The following CELF4 variants were observed in gnomAD, a reference collection of about 807,000 sequenced individuals.
CELF4 encodes CUG-BP- and ETR-3-like factor 4.
Under a neutral mutation model 59.9 loss-of-function variants are expected in CELF4, and 18 were observed. That is an observed-to-expected ratio of 0.30 (90% CI 0.21 to 0.45). CELF4 has a LOEUF of 0.45. Among genes scored for constraint, CELF4 ranks in the 20% least tolerant of loss-of-function variants. The probability of loss-of-function intolerance (pLI) is 1.00; values close to 1 mark genes in which losing one functional copy is unlikely to be tolerated. For missense variants in CELF4, 456 were observed against 689.0 expected (o/e 0.66, Z 3.79); for synonymous variants, 261 against 267.1 (o/e 0.98, Z 0.22).
chr18:37,246,595 G>GT lies in CELF4; in HGVS notation c.*45-1399dup, dbSNP rs1315413079. Among the ~76,000 whole-genome samples the GT allele has an allele frequency of 2.7e-5, 4 of 150,492 alleles. No homozygotes were observed. Among genetic ancestry groups the GT allele is most frequent in the South Asian group, 2.1e-4 (1 of 4,744 alleles). On this transcript the variant is annotated intron_variant, in intron 12 of 12. Transcript: ENST00000420428. The surrounding 1 kb of genome is among the most constrained non-coding windows in gnomAD (Gnocchi z 5.3). ...ATTTTGTTTTTGTTTTTTTGTTTTT[G>GT]TTTTTTTTCCCTTTGAAGTGAGATT...
At chr18:37,340,293 G>A (rs1166939584) in intron 2 of CELF4, among the ~76,000 whole-genome samples, 3 of 152,250 alleles carry the variant, frequency 2.0e-5, no homozygotes, top group Non-Finnish European at 4.4e-5. Context: ...TCAGCCTTGT[G>A]CCTTTGCCAG....
In CELF4 at chr18:37,470,900, G is replaced by C. The variant is rs1422948463; in HGVS notation, c.369+14625C>G. 2.8e-3 allele frequency among the ~76,000 whole-genome samples: 413 copies of C among 149,772 alleles called. 1 individual carries two copies. The highest frequency in any genetic ancestry group is 9.8e-3 in the African/African-American group (393 of 40,124). On this transcript the variant is annotated intron_variant, in intron 2 of 12. Coordinates refer to ENST00000420428, the MANE Select transcript of CELF4 (RefSeq NM_020180.4). ...TGTGTGTGTGTGTGACAGAGAGAGA[G>C]AGAGAGAGAGAGAGAGAGAGGTGGA...
At chr18:37,302,681 G>A (rs765017714) in intron 3 of CELF4, among the ~76,000 whole-genome samples, 1 of 152,172 alleles carries the variant, frequency 6.6e-6, no homozygotes, top group Non-Finnish European at 1.5e-5. Context: ...AGAGTTTCCT[G>A]GGTGCTGCAG....
intron 11 of CELF4, among the ~76,000 whole-genome samples, chr18:37,257,912 G>A (rs1056551126): frequency 3.3e-5 from 5 of 152,182 alleles, no homozygotes; most frequent in African/African-American, 9.7e-5. Context: ...AGGAGTGGAG[G>A]AGAAAGGGTG....
chr18:37,321,681 C>T, intron 3 of CELF4, 122 bp downstream of exon 3: 1 of 685,708 alleles, frequency 1.5e-6, no homozygotes, highest in Non-Finnish European at 2.5e-6. Context: ...AACCCTCAGC[C>T]ACGAGATCCC....
intron 2 of CELF4, among the ~76,000 whole-genome samples, 188 bp downstream of exon 2, chr18:37,485,337 G>A (rs2099878723): frequency 6.6e-6 from 1 of 151,728 alleles, no homozygotes; most frequent in African/African-American, 2.4e-5. Context: ...TGGGGCCCCT[G>A]TCCCGGATCC....
At chr18:37,398,002 T>C (rs1192868610) in intron 2 of CELF4, among the ~76,000 whole-genome samples, 1 of 152,014 alleles carries the variant, frequency 6.6e-6, no homozygotes, top group African/African-American at 2.4e-5. Context: ...CTCCCTCTGG[T>C]CTCTCCCCAC....
intron 1 of CELF4, among the ~76,000 whole-genome samples, chr18:37,502,736 C>A (rs1416346231): frequency 6.6e-6 from 1 of 152,190 alleles, no homozygotes; most frequent in African/African-American, 2.4e-5. Flanking sequence ...CCTGTCTCAC[C>A]TCACTAAGGA....
chr18:37,378,887 C>T (rs2099003303), intron 2 of CELF4, among the ~76,000 whole-genome samples: 1 of 152,158 alleles, frequency 6.6e-6, no homozygotes, highest in Non-Finnish European at 1.5e-5. Context: ...TGGGCTCCAG[C>T]CAGCCAGCAT....
intron 3 of CELF4, among the ~76,000 whole-genome samples, chr18:37,297,239 C>T (rs1411919067): frequency 6.6e-6 from 1 of 152,158 alleles, no homozygotes; most frequent in East Asian, 1.9e-4. Context: ...TAGCAGGTGG[C>T]GAGGGCACCG....
chr18:37,532,534 G>A (rs1356263272), intron 1 of CELF4, among the ~76,000 whole-genome samples: 1 of 152,092 alleles, frequency 6.6e-6, no homozygotes, highest in Non-Finnish European at 1.5e-5. Context: ...CTCTTTGAGG[G>A]AAACAGGAAA....
intron 2 of CELF4, among the ~76,000 whole-genome samples, chr18:37,392,096 C>T (rs185278009): frequency 5.1e-4 from 78 of 152,324 alleles, no homozygotes; most frequent in African/African-American, 1.9e-3. Flanking sequence ...ACTTCTGTGA[C>T]GATGACTCAG....
chr18:37,540,553 G>C (rs1049584749), intron 1 of CELF4, among the ~76,000 whole-genome samples: 4 of 152,180 alleles, frequency 2.6e-5, no homozygotes, highest in African/African-American at 9.7e-5. Context: ...GACACAGATC[G>C]TGGGGCAAGC....
At chr18:37,368,662 T>C (rs1048919863) in intron 2 of CELF4, among the ~76,000 whole-genome samples, 1 of 152,258 alleles carries the variant, frequency 6.6e-6, no homozygotes, top group Non-Finnish European at 1.5e-5. Context: ...TCATTTTTCC[T>C]GCCTGACCCC....
Position 37,475,046 on chromosome 18 carries a change from G to A in CELF4, c.369+10479C>T, listed in dbSNP as rs2099844863. On this transcript the variant is annotated intron_variant, in intron 2 of 12. Transcript: ENST00000420428. ...CCCTTGGGTGGGATGACTCCAAGGA[G>A]TATGATTGACATTGGCTCTAGAGTC... Among the ~76,000 whole-genome samples, 4 of 152,354 alleles carry A rather than the reference G, an allele frequency of 2.6e-5. No individual in the cohort carries two copies. In the South Asian group the frequency reaches 8.3e-4, roughly 32 times the overall value.
chr18:37,298,023 C>T (rs1242703607), intron 3 of CELF4, among the ~76,000 whole-genome samples: 5 of 152,214 alleles, frequency 3.3e-5, no homozygotes. Flanking sequence ...AACTGTCCTC[C>T]TTCTGTGGTC....
intron 8 of CELF4, among the ~76,000 whole-genome samples, 160 bp from the exon 9 acceptor site, chr18:37,266,758 C>T (rs1479327196): frequency 6.6e-6 from 1 of 152,208 alleles, no homozygotes; most frequent in Admixed American, 6.5e-5. Context: ...GTGCCTGGAC[C>T]CTCTGGGGGT....
chr18:37,510,685 T>C (rs1013214241), intron 1 of CELF4, among the ~76,000 whole-genome samples: 2 of 152,226 alleles, frequency 1.3e-5, no homozygotes, highest in Admixed American at 6.5e-5. Context: ...CCCTGTAGGA[T>C]GGTCCAGCAG....
intron 2 of CELF4, among the ~76,000 whole-genome samples, chr18:37,370,241 C>T (rs2098842745): frequency 6.6e-6 from 1 of 152,132 alleles, no homozygotes; most frequent in Non-Finnish European, 1.5e-5. Context: ...TTTCCCGAGC[C>T]CGAGGGGAAG....
Sources: allele counts gnomAD v4.1 joint callset (sites outside exome capture counted in the v4.1 genomes callset), GRCh38; gene constraint gnomAD v4.1.1; non-coding constraint Gnocchi (gnomAD v3.1); transcripts MANE v1.5; gene names NCBI Gene and HGNC (gene_info 2026-07-23, HGNC 2026-07-21).